The following CADPS2 variants were observed in gnomAD, a reference collection of about 807,000 sequenced individuals.
The protein encoded by CADPS2 is calcium dependent secretion activator 2, also known as calcium-dependent secretion activator 2.
Under a neutral mutation model 172.5 loss-of-function variants are expected in CADPS2, and 93 were observed. That is an observed-to-expected ratio of 0.54 (90% CI 0.46 to 0.64). The LOEUF (loss-of-function observed/expected upper bound fraction) is 0.64, where lower values mean the gene tolerates loss of function less well. Ranked by LOEUF, CADPS2 falls within the 30% of genes least tolerant of loss-of-function variation. The pLI is 0.00. For missense variants in CADPS2, 1,420 were observed against 1,565.9 expected (o/e 0.91, Z 1.57); for synonymous variants, 546 against 555.2 (o/e 0.98, Z 0.23).
intron 7 of CADPS2, among the ~76,000 whole-genome samples, chr7:122,558,309 GCTTA>G (rs1345617766): frequency 1.3e-5 from 2 of 152,028 alleles, no homozygotes; most frequent in African/African-American, 4.8e-5. Flanking sequence ...AGATATAAAA[GCTTA>G]CTAAGGATCC....
chr7:122,552,006 A>C (rs968374986), intron 8 of CADPS2, among the ~76,000 whole-genome samples: 1 of 152,164 alleles, frequency 6.6e-6, no homozygotes, highest in African/African-American at 2.4e-5. Context: ...ATGTTTACAC[A>C]CAGGTGTATT....
intron 2 of CADPS2, chr7:122,681,754 GA>G (rs1170827675): frequency 4.6e-5 from 23 of 504,302 alleles, no homozygotes; most frequent in South Asian, 7.3e-5. Context: ...ATAAAAGAAA[GA>G]AAAAAAACAA....
chr7:122,409,483 AAC>A (rs1404396518), intron 19 of CADPS2: 1 of 286,030 alleles, frequency 3.5e-6, no homozygotes, highest in African/African-American at 2.2e-5. Flanking sequence ...TTTTTTTCAA[AAC>A]AGCTTCAGGT....
At chr7:122,451,702 TATA>T (rs1308994883) in intron 14 of CADPS2, among the ~76,000 whole-genome samples, 4 of 150,898 alleles carry the variant, frequency 2.7e-5, no homozygotes, top group Admixed American at 2.0e-4. Context: ...GGTAAAAGAT[TATA>T]ATAAATATTT....
chr7:122,792,061 G>A (rs1245030471), intron 1 of CADPS2, among the ~76,000 whole-genome samples: 1 of 152,178 alleles, frequency 6.6e-6, no homozygotes, highest in Non-Finnish European at 1.5e-5. Context: ...GGCAAACTCA[G>A]TATTGCCAAT....
chr7:122,753,475 A>C (rs573031713), intron 1 of CADPS2, among the ~76,000 whole-genome samples: 1 of 152,208 alleles, frequency 6.6e-6, no homozygotes, highest in Non-Finnish European at 1.5e-5. Flanking sequence ...ATTTATTGAG[A>C]ACCTACTACA....
chr7:122,429,880 GT>G (rs34791066), intron 17 of CADPS2, among the ~76,000 whole-genome samples: 15,766 of 146,874 alleles, frequency 0.11, 1,247 homozygotes, highest in African/African-American at 0.22. Flanking sequence ...AAACTGTGCA[GT>G]TTTTTTTTTT....
At chr7:122,443,254 C>T (rs192864411) in intron 15 of CADPS2, among the ~76,000 whole-genome samples, 17 of 152,248 alleles carry the variant, frequency 1.1e-4, no homozygotes, top group African/African-American at 2.9e-4. Context: ...AACACATTTA[C>T]GGAGTACAAG....
intron 1 of CADPS2, chr7:122,849,678 T>C: frequency 3.1e-6 from 1 of 322,080 alleles, no homozygotes; most frequent in South Asian, 2.5e-5. Flanking sequence ...AAAAGAGGCA[T>C]TTGATTGGGT....
At chr7:122,781,154 G>T (rs1270447382) in intron 1 of CADPS2, among the ~76,000 whole-genome samples, 4 of 152,074 alleles carry the variant, frequency 2.6e-5, no homozygotes, top group Non-Finnish European at 4.4e-5. Flanking sequence ...ACTTTAATTT[G>T]AATCTTTTCA....
Position 122,513,281 on chromosome 7 carries a change from T to G in CADPS2, c.1510A>C (p.Arg504=). The part of the protein sequence containing the change: ...LYALGQKVWK[R]WKKRYFVLVQ... ...AGAACAAAGTAACGTTTTTTCCATC[T>G]TTTCCAAACCTTCTGTCCAAGGGCA... The change falls in exon 9 of 30, where the codon AGA becomes CGA. Residue 504 remains arginine, a synonymous_variant. Coordinates refer to ENST00000449022, the MANE Select transcript of CADPS2 (RefSeq NM_017954.11). 1 of 1,562,896 alleles carries G rather than the reference T, an allele frequency of 6.4e-7. No individual in the cohort carries two copies. Among genetic ancestry groups the G allele is most frequent in the Non-Finnish European group, 8.7e-7 (1 of 1,152,234 alleles).
intron 7 of CADPS2, among the ~76,000 whole-genome samples, chr7:122,570,360 A>G (rs1193028331): frequency 6.6e-6 from 1 of 151,676 alleles, no homozygotes; most frequent in African/African-American, 2.4e-5. Context: ...TTAGAATGGC[A>G]ATCATTAAAA....
intron 2 of CADPS2, among the ~76,000 whole-genome samples, chr7:122,728,044 A>G (rs1339117413): frequency 6.6e-6 from 1 of 151,796 alleles, no homozygotes; most frequent in African/African-American, 2.4e-5. Flanking sequence ...ACTCACTACA[A>G]AAAAAATAGG....
intron 7 of CADPS2, among the ~76,000 whole-genome samples, chr7:122,565,342 C>G (rs1433121205): frequency 6.6e-6 from 1 of 152,036 alleles, no homozygotes; most frequent in African/African-American, 2.4e-5. Context: ...TGAGAAATCT[C>G]TGCGATACAT....
chr7:122,443,025 T>C (rs2051580707), intron 15 of CADPS2, among the ~76,000 whole-genome samples: 1 of 152,214 alleles, frequency 6.6e-6, no homozygotes, highest in South Asian at 2.1e-4. Context: ...AAACACAAAT[T>C]GGGTTCTTGT....
chr7:122,748,011 G>A (rs951307693), intron 1 of CADPS2, among the ~76,000 whole-genome samples: 1 of 152,054 alleles, frequency 6.6e-6, no homozygotes, highest in Non-Finnish European at 1.5e-5. Context: ...TCCTTACTAG[G>A]ATGCAGATTT....
chr7:122,873,175 G>C (rs963025255), intron 1 of CADPS2, among the ~76,000 whole-genome samples: 4 of 151,984 alleles, frequency 2.6e-5, no homozygotes, highest in African/African-American at 9.7e-5. Context: ...ATAGCAAAAG[G>C]CACAAAACAA....
At chr7:122,326,070 G>A (rs571113304) in intron 28 of CADPS2, among the ~76,000 whole-genome samples, 3 of 123,148 alleles carry the variant, frequency 2.4e-5, no homozygotes, top group Admixed American at 8.0e-5. Context: ...TTAAAGTAGC[G>A]ATGGCAAAAA....
intron 27 of CADPS2, among the ~76,000 whole-genome samples, chr7:122,359,594 T>C (rs2039872678): frequency 6.6e-6 from 1 of 152,184 alleles, no homozygotes; most frequent in Non-Finnish European, 1.5e-5. Context: ...CAATGTGATA[T>C]ATACAAGATT....
Sources: allele counts gnomAD v4.1 joint callset (sites outside exome capture counted in the v4.1 genomes callset), GRCh38; gene constraint gnomAD v4.1.1; transcripts MANE v1.5; gene names NCBI Gene and HGNC (gene_info 2026-07-23, HGNC 2026-07-21).